Variants in LINGO2 observed in about 807,000 individuals in gnomAD.
LINGO2 encodes the protein leucine rich repeat and Ig domain containing 2.
In LINGO2, 14 loss-of-function variants were observed where a neutral mutation model predicts 30.6. The observed-to-expected ratio is 0.46, with a 90% CI of 0.30 to 0.72. The LOEUF (loss-of-function observed/expected upper bound fraction) is 0.72. Ranked by LOEUF, LINGO2 falls within the 30% of genes least tolerant of loss-of-function variation. LINGO2 has a pLI of 0.07. For missense variants in LINGO2, 729 were observed against 751.7 expected, an observed-to-expected ratio of 0.97 and a Z score of 0.35; for synonymous variants, 317 against 288.5, an observed-to-expected ratio of 1.10 and a Z score of -1.00.
intron 4 of LINGO2, among the ~76,000 whole-genome samples, chr9:28,285,268 C>T (rs1012615084): frequency 3.9e-5 from 6 of 152,064 alleles, no homozygotes; most frequent in Non-Finnish European, 5.9e-5. Context: ...TATAATGTAT[C>T]AGATACTTGT....
chr9:29,161,188 C>T, the LINGO2 span, among the ~76,000 whole-genome samples: 1 of 152,006 alleles, frequency 6.6e-6, no homozygotes, highest in Non-Finnish European at 1.5e-5. Context: ...AGCAGGCTGC[C>T]GAGAGGAGGC....
At chr9:29,205,246 T>G in the LINGO2 span, among the ~76,000 whole-genome samples, 2 of 152,076 alleles carry the variant, frequency 1.3e-5, no homozygotes, top group Non-Finnish European at 2.9e-5. Context: ...TTCACCATGT[T>G]GCCAGGATGG....
chr9:27,944,107 A>T (rs1823273473), downstream of LINGO2: 1 of 152,192 alleles, frequency 6.6e-6, no homozygotes, highest in Admixed American at 6.5e-5. Context: ...ATCCTAGACC[A>T]TTTGTTAAAA....
chr9:28,200,109 G>A (rs535983401), intron 4 of LINGO2, among the ~76,000 whole-genome samples: 1 of 151,058 alleles, frequency 6.6e-6, no homozygotes, highest in Admixed American at 6.6e-5. Context: ...ATTTTTAAAA[G>A]AAAAAGGAGC....
At chr9:28,104,266 GTTTTTTTTT>G (rs74180789) in intron 4 of LINGO2, among the ~76,000 whole-genome samples, 10 of 97,474 alleles carry the variant, frequency 1.0e-4, no homozygotes, top group Non-Finnish European at 7.6e-5. Flanking sequence ...TTTTTTGTTT[GTTTTTTTTT>G]TTTTTTTTTT....
the LINGO2 span, among the ~76,000 whole-genome samples, chr9:28,968,178 C>T: frequency 3.0e-4 from 45 of 152,186 alleles, no homozygotes; most frequent in African/African-American, 9.9e-4. Flanking sequence ...TCACAGACAT[C>T]GGTACAAAAT....
the LINGO2 span, among the ~76,000 whole-genome samples, chr9:29,110,017 A>G: frequency 2.0e-5 from 3 of 152,322 alleles, no homozygotes; most frequent in Admixed American, 2.0e-4. Context: ...AGAAGAATTT[A>G]GGATTATCAG....
At chr9:28,497,076 C>G (rs112282294) in intron 1 of LINGO2, among the ~76,000 whole-genome samples, 71 of 152,332 alleles carry the variant, frequency 4.7e-4, no homozygotes, top group African/African-American at 1.6e-3. Context: ...ACCTTTCTCT[C>G]TGGCTGCCCT....
chr9:29,182,253 C>T, the LINGO2 span, among the ~76,000 whole-genome samples: 1 of 152,092 alleles, frequency 6.6e-6, no homozygotes, highest in East Asian at 1.9e-4. Context: ...AGGAACATAT[C>T]TCTAACATAG....
chr9:27,978,179 C>A (rs1176407439), intron 5 of LINGO2, among the ~76,000 whole-genome samples: 1 of 152,002 alleles, frequency 6.6e-6, no homozygotes, highest in Non-Finnish European at 1.5e-5. Context: ...TGGCGCTGAT[C>A]CTATCCTGAA....
chr9:28,564,759 T>C (rs1378646655), intron 1 of LINGO2, among the ~76,000 whole-genome samples: 1 of 152,170 alleles, frequency 6.6e-6, no homozygotes, highest in Non-Finnish European at 1.5e-5. Flanking sequence ...ACCGGCGATG[T>C]GTGTCACTTT....
the LINGO2 span, among the ~76,000 whole-genome samples, chr9:28,923,927 G>A: frequency 6.6e-6 from 1 of 151,744 alleles, no homozygotes; most frequent in African/African-American, 2.4e-5. Flanking sequence ...AAAGGGATCT[G>A]ATTTGGGGGA....
chr9:29,213,494 C>G, the LINGO2 span, among the ~76,000 whole-genome samples: 1 of 152,030 alleles, frequency 6.6e-6, no homozygotes, highest in Non-Finnish European at 1.5e-5. Flanking sequence ...GGGCGGCGGG[C>G]GGCGGCGCCA....
rs1362320664 is a variant in LINGO2 at position 27,950,413 on chromosome 9, CTA to C, written c.257_258del (p.Ile86ArgfsTer4). The C allele has an allele frequency of 6.2e-7, 1 of 1,614,022 alleles. No homozygotes were observed. Among genetic ancestry groups the C allele is most frequent in the Non-Finnish European group, 8.5e-7 (1 of 1,180,004 alleles). ...TTGGCAATGATGTTGTCACTCAAGT[CTA>C]TCTCTTCCAGCAGAGGATATGATAT... On this transcript the variant is annotated frameshift_variant, in exon 6 of 6. Transcript: ENST00000379992. LOFTEE classifies it high-confidence loss of function.
At chr9:28,682,544 T>A in the LINGO2 span, among the ~76,000 whole-genome samples, 2 of 152,140 alleles carry the variant, frequency 1.3e-5, no homozygotes, top group African/African-American at 4.8e-5. Context: ...AAGACTTTTT[T>A]ATATCATTTT....
chr9:28,166,715 C>T (rs1828436236), intron 4 of LINGO2, among the ~76,000 whole-genome samples: 2 of 151,352 alleles, frequency 1.3e-5, no homozygotes, highest in Admixed American at 6.6e-5. Flanking sequence ...TAACCAATAA[C>T]ATTATTGATG....
At chr9:28,950,357 C>T in the LINGO2 span, among the ~76,000 whole-genome samples, 589 of 152,290 alleles carry the variant, frequency 3.9e-3, 5 homozygotes, top group African/African-American at 0.013. Context: ...TCCTCTCTCA[C>T]CACTCCTATT....
In LINGO2 at chr9:28,179,294, T is replaced by C. The variant is rs1386782906; in HGVS notation, c.-87+115914A>G. On this transcript the variant is annotated intron_variant, in intron 4 of 5. Transcript: ENST00000379992. The stretch of plus-strand genomic sequence containing the variant: ...ATAAAAATACTATATATATACCATA[T>C]ATAGTATTTTATACTATATATACTA... Among the ~76,000 whole-genome samples, 6 of 145,816 alleles carry C rather than the reference T, an allele frequency of 4.1e-5. No homozygotes were observed. In the East Asian group the frequency reaches 1.2e-3, roughly 29 times the overall value.
At chr9:28,361,625 C>G (rs900963687) in intron 3 of LINGO2, among the ~76,000 whole-genome samples, 4 of 151,894 alleles carry the variant, frequency 2.6e-5, no homozygotes, top group Admixed American at 2.6e-4. Flanking sequence ...AGTCAGAAGT[C>G]ACAGCAAAGG....
Sources: gnomAD v4.1 joint callset for allele counts (sites outside exome capture counted in the v4.1 genomes callset) on GRCh38, gnomAD v4.1.1 for gene constraint, MANE v1.5 for transcripts, NCBI Gene and HGNC (gene_info 2026-07-23, HGNC 2026-07-21) for gene names.